Variants in MTMR14 observed in about 807,000 individuals in gnomAD.
The protein encoded by MTMR14 is phosphatidylinositol-3,5-bisphosphate 3-phosphatase MTMR14.
Under a neutral mutation model 86.3 loss-of-function variants are expected in MTMR14, and 48 were observed. The ratio of observed to expected loss-of-function variants is 0.56; its 90% CI spans 0.44 to 0.71. The LOEUF (loss-of-function observed/expected upper bound fraction) is 0.71, where lower values mean the gene tolerates loss of function less well. MTMR14 is among the 30% of genes least tolerant of loss of function. MTMR14 has a pLI of 0.00. For missense variants in MTMR14, 780 were observed against 834.6 expected, an observed-to-expected ratio of 0.93 and a Z score of 0.81; for synonymous variants, 366 against 326.1, an observed-to-expected ratio of 1.12 and a Z score of -1.32.
intron 1 of MTMR14, 122 bp from the exon 2 acceptor site, chr3:9,653,499 C>T: frequency 1.6e-6 from 2 of 1,265,438 alleles, no homozygotes; most frequent in Non-Finnish European, 1.1e-6. Context: ...ATCTTCCCAG[C>T]ACAGAATAAT....
Position 9,662,370 on chromosome 3 carries a change from G to A in MTMR14, c.412G>A (p.Gly138Ser). The change falls in exon 3 of 19, where the codon GGC becomes AGC. Residue 138 changes from glycine to serine, a missense_variant. Gly to Ser is a moderately conservative substitution (Grantham distance 56). Transcript: ENST00000296003. ...RFVCPVILFK[G>S]KHICRSATLA... ...TGTCTGCCCAGTAATCCTGTTCAAG[G>A]GCAAGGTAAGGCCCATACCATAGCT... The A allele has an allele frequency of 1.2e-6, 2 of 1,612,338 alleles. No individual in the cohort carries two copies. Among genetic ancestry groups the A allele is most frequent in the East Asian group, 4.5e-5 (2 of 44,838 alleles).
At position 9,702,239 on chromosome 3, in the gene MTMR14, CTG is replaced by C. The variant is rs1448277887; in HGVS notation, c.*271_*272del. The stretch of plus-strand genomic sequence containing the variant: ...CTGGGATTCCCATCAACTCTCAGAA[CTG>C]TGTGGGGTTTCCCTGGGGCCTTGTG... On this transcript the variant is annotated 3_prime_UTR_variant, in exon 19 of 19. Coordinates refer to ENST00000296003, the MANE Select transcript of MTMR14 (RefSeq NM_001077525.3). 12 of 539,510 alleles carry C rather than the reference CTG, an allele frequency of 2.2e-5. No individual in the cohort carries two copies. The highest frequency in any genetic ancestry group is 4.9e-4 in the Middle Eastern group (1 of 2,022). 33.4% of individuals were successfully genotyped at this position (539,510 alleles called of 1,614,324 possible). A position where few individuals can be genotyped will look rare whatever the true frequency, so the allele number is the denominator to read the frequency against.
At chr3:9,699,507 A>G (rs2125423153) in intron 18 of MTMR14, 1 of 152,346 alleles carries the variant, frequency 6.6e-6, no homozygotes, top group African/African-American at 2.4e-5. Context: ...TGGGTTCAGC[A>G]CTTGGGCTTT....
chr3:9,682,213 G>A (rs1428968644), intron 9 of MTMR14, among the ~76,000 whole-genome samples: 2 of 152,218 alleles, frequency 1.3e-5, no homozygotes, highest in Admixed American at 6.5e-5. Flanking sequence ...TACAGCGCCT[G>A]TCTCTGTAGT....
At chr3:9,697,536 C>G (rs1208586139) in intron 17 of MTMR14, among the ~76,000 whole-genome samples, 175 bp from the exon 18 acceptor site, 2 of 152,118 alleles carry the variant, frequency 1.3e-5, no homozygotes, top group African/African-American at 4.8e-5. Context: ...ACCTGGTGAT[C>G]TATTCTTTTT....
rs2076329769 is a variant in MTMR14 at position 9,697,816 on chromosome 3, A to G, written c.1719A>G (p.Thr573=). The change falls in exon 18 of 19, where the codon ACA becomes ACG. Residue 573 remains threonine, a synonymous_variant. Transcript: ENST00000296003. ...TTCAGGAGCGGGCTGTCCTGCACAC[A>G]GACTCCTCTCTCCCTTTCAGCTTCC... ...GSIQERAVLH[T]DSSLPFSFPD... is the part of the protein sequence containing the mutation. 2.5e-6 allele frequency: 4 copies of G among 1,614,096 alleles called. No individual in the cohort carries two copies. The highest frequency in any genetic ancestry group is 3.4e-6 in the Non-Finnish European group (4 of 1,180,060).
chr3:9,654,117 G>A (rs939583436), intron 2 of MTMR14, among the ~76,000 whole-genome samples: 8 of 152,144 alleles, frequency 5.3e-5, no homozygotes, highest in South Asian at 2.1e-4. Flanking sequence ...AGCGTTTACC[G>A]TATGTAGCAC....
chr3:9,655,617 C>T (rs1443907326), intron 2 of MTMR14, among the ~76,000 whole-genome samples: 13 of 150,954 alleles, frequency 8.6e-5, no homozygotes, highest in East Asian at 4.2e-4. Flanking sequence ...CCCGCCACCA[C>T]GCCCAGCTAC....
At chr3:9,653,435 G>T (rs757845469) in intron 1 of MTMR14, among the ~76,000 whole-genome samples, 186 bp from the exon 2 acceptor site, 13 of 146,002 alleles carry the variant, frequency 8.9e-5, no homozygotes, top group Non-Finnish European at 1.8e-4. Context: ...CCTTCCTGAA[G>T]TATACAATAT....
chr3:9,682,940 C>T (rs1024464150), intron 9 of MTMR14, among the ~76,000 whole-genome samples: 1 of 151,550 alleles, frequency 6.6e-6, no homozygotes, highest in Non-Finnish European at 1.5e-5. Context: ...AGAGCCCCCC[C>T]CCCGCCCCCG....
intron 17 of MTMR14, 98 bp downstream of exon 17, chr3:9,690,241 A>T: frequency 7.4e-7 from 1 of 1,345,346 alleles, no homozygotes; most frequent in Non-Finnish European, 1.0e-6. Flanking sequence ...GGGTCTCAAG[A>T]TGGGGTTCCT....
chr3:9,692,124 T>C (rs1221319422), intron 17 of MTMR14, among the ~76,000 whole-genome samples: 1 of 152,230 alleles, frequency 6.6e-6, no homozygotes, highest in Non-Finnish European at 1.5e-5. Flanking sequence ...AACAATAGCC[T>C]GTGAGGTCTT....
At chr3:9,654,530 A>G (rs1251453896) in intron 2 of MTMR14, among the ~76,000 whole-genome samples, 1 of 152,194 alleles carries the variant, frequency 6.6e-6, no homozygotes, top group Non-Finnish European at 1.5e-5. Flanking sequence ...TTTGATACTG[A>G]TAAGTAATCA....
chr3:9,675,735 G>A (rs767679355), intron 7 of MTMR14: 49 of 456,412 alleles, frequency 1.1e-4, no homozygotes, highest in Non-Finnish European at 1.9e-4. Context: ...CACAAAAACT[G>A]CTTCTGCATC....
At chr3:9,655,635 G>C (rs1187213972) in intron 2 of MTMR14, among the ~76,000 whole-genome samples, 1 of 150,524 alleles carries the variant, frequency 6.6e-6, no homozygotes, top group Admixed American at 6.6e-5. Context: ...TACTTTTTTT[G>C]TATTTTTAGT....
chr3:9,662,119 T>C (rs1327452191), intron 2 of MTMR14, 148 bp from the exon 3 acceptor site: 4 of 678,902 alleles, frequency 5.9e-6, no homozygotes, highest in Non-Finnish European at 1.1e-5. Flanking sequence ...AGACAGATGA[T>C]AGATGATATA....
At chr3:9,674,393 T>A (rs547995316) in intron 7 of MTMR14, among the ~76,000 whole-genome samples, 1 of 152,228 alleles carries the variant, frequency 6.6e-6, no homozygotes, top group East Asian at 1.9e-4. Context: ...CATCATGATG[T>A]CTATTTGTAA....
At chr3:9,698,057 G>A (rs1486628758) in intron 18 of MTMR14, among the ~76,000 whole-genome samples, 191 bp downstream of exon 18, 2 of 152,264 alleles carry the variant, frequency 1.3e-5, no homozygotes, top group Non-Finnish European at 2.9e-5. Context: ...ACTGGTTTGT[G>A]TGTTCACTCT....
At chr3:9,692,973 A>G (rs558336859) in intron 17 of MTMR14, among the ~76,000 whole-genome samples, 2 of 152,312 alleles carry the variant, frequency 1.3e-5, no homozygotes, top group South Asian at 4.1e-4. Flanking sequence ...TGACTTCATG[A>G]CATGTCACTT....
Sources: allele counts gnomAD v4.1 joint callset (sites outside exome capture counted in the v4.1 genomes callset), GRCh38; gene constraint gnomAD v4.1.1; transcripts MANE v1.5; gene names NCBI Gene and HGNC (gene_info 2026-07-23, HGNC 2026-07-21).